Variants in ATF4 observed in about 807,000 individuals in gnomAD.
ATF4 encodes the protein cyclic AMP-dependent transcription factor ATF-4.
Under a neutral mutation model 21.0 loss-of-function variants are expected in ATF4, and 8 were observed. That is an observed-to-expected ratio of 0.38 (90% CI 0.22 to 0.69). The LOEUF (loss-of-function observed/expected upper bound fraction) is 0.69, where lower values mean the gene tolerates loss of function less well. Among genes scored for constraint, ATF4 ranks in the 30% least tolerant of loss-of-function variants. The pLI is 0.49. For synonymous variants in ATF4, 241 were observed against 166.4 expected, an observed-to-expected ratio of 1.45 and a Z score of -3.45; for missense variants, 549 against 425.9, an observed-to-expected ratio of 1.29 and a Z score of -2.54.
chr22:39,522,000 G>C lies in ATF4; in HGVS notation c.454G>C (p.Asp152His), dbSNP rs544103363. 2.5e-6 allele frequency: 4 copies of C among 1,613,404 alleles called. No individual in the cohort carries two copies. The South Asian group carries it at 3.3e-5, about 13-fold the overall frequency. ...GHLPESLTKP[D>H]QVAPFTFLQP... ...TCTCCCAGAAAGTTTAACAAAACCC[G>C]ACCAGGTTGCCCCCTTCACCTTCTT... Residue 152 changes from aspartate to histidine, a missense_variant, in exon 3 of 3, where the codon GAC becomes CAC. By Grantham distance (81) the Asp-to-His change is moderately conservative. Coordinates refer to ENST00000674920, the MANE Select transcript of ATF4 (RefSeq NM_182810.3).
In ATF4 at chr22:39,522,378, C is replaced by G; in HGVS notation, c.832C>G (p.Leu278Val). 1.2e-6 allele frequency: 2 copies of G among 1,612,676 alleles called. No individual in the cohort carries two copies. Among genetic ancestry groups the G allele is most frequent in the Non-Finnish European group, 8.5e-7 (1 of 1,179,348 alleles). Residue 278 changes from leucine (L) to valine (V), a missense_variant, in exon 3 of 3, where the codon CTG (leucine) becomes GTG (valine). Physicochemically the swap from Leu to Val is conservative, Grantham distance 32. Transcript: ENST00000674920. ...MVAAKVKGEKLDKKLKKMEQN... is the reference protein window; with the variant it reads ...MVAAKVKGEKVDKKLKKMEQN... Reference sequence around the variant, plus strand: ...AGCAGCAAAAGTAAAGGGTGAGAAACTGGATAAGAAGCTGAAAAAAATGGA... The same window carrying G: ...AGCAGCAAAAGTAAAGGGTGAGAAAGTGGATAAGAAGCTGAAAAAAATGGA...
intron 1 of ATF4, 42 bp from the exon 2 acceptor site, chr22:39,521,312 C>G: frequency 1.4e-6 from 1 of 717,838 alleles, no homozygotes; most frequent in Non-Finnish European, 2.3e-6. Flanking sequence ...ATTCTCAGAA[C>G]AGCTAACCTC....
Position 39,522,437 on chromosome 22 carries a change from G to C in ATF4, c.891G>C (p.Gln297His), listed in dbSNP as rs752840127. Residue 297 changes from glutamine (Q) to histidine (H), a missense_variant, in exon 3 of 3, where the codon CAG (glutamine) becomes CAC (histidine). Coordinates refer to ENST00000674920, the MANE Select transcript of ATF4 (RefSeq NM_182810.3). Reference protein sequence around the residue: ...QNKTAATRYRQKKRAEQEALT... With the variant: ...QNKTAATRYRHKKRAEQEALT... ...AGACAGCAGCCACTAGGTACCGCCA[G>C]AAGAAGAGGGCGGAGCAGGAGGCTC... is the stretch of plus-strand genomic sequence containing the variant. The C allele has an allele frequency of 1.9e-6, 3 of 1,613,784 alleles. No individual in the cohort carries two copies. Among genetic ancestry groups the C allele is most frequent in the Non-Finnish European group, 2.5e-6 (3 of 1,179,766 alleles).
rs745712018 is a variant in ATF4, at chr22:39,522,571, G to A, written c.1025G>A (p.Arg342His). 40 of 1,553,064 alleles carry A rather than the reference G, an allele frequency of 2.6e-5. No homozygotes were observed. The highest frequency in any genetic ancestry group is 3.3e-5 in the Non-Finnish European group (38 of 1,154,382). The change falls in exon 3 of 3, where the codon CGC becomes CAC. Residue 342 changes from arginine (R) to histidine (H), a missense_variant. By Grantham distance (29) the Arg-to-His change is conservative. Coordinates refer to ENST00000674920, the MANE Select transcript of ATF4 (RefSeq NM_182810.3). ...QYLKDLIEEVRKARGKKRVP is the reference protein window; with the variant it reads ...QYLKDLIEEVHKARGKKRVP ...CTGAAAGATTTGATAGAAGAGGTCCGCAAGGCAAGGGGGAAGAAAAGGGTC... is the reference window on the plus strand; with the variant it reads ...CTGAAAGATTTGATAGAAGAGGTCCACAAGGCAAGGGGGAAGAAAAGGGTC...
rs373242816 is a variant in ATF4 at position 39,522,518 on chromosome 22, G to A, written c.972G>A (p.Ala324=). The part of the protein sequence containing the change: ...EKKNEALKER[A]DSLAKEIQYL... ...AGAACGAGGCTCTAAAAGAGAGGGCGGATTCCCTGGCCAAGGAGATCCAGT... is the reference window on the plus strand; with the variant it reads ...AGAACGAGGCTCTAAAAGAGAGGGCAGATTCCCTGGCCAAGGAGATCCAGT... Residue 324 remains alanine, a synonymous_variant, in exon 3 of 3, where the codon GCG becomes GCA. Coordinates refer to ENST00000674920, the MANE Select transcript of ATF4 (RefSeq NM_182810.3). 9.9e-6 allele frequency: 16 copies of A among 1,608,706 alleles called. No individual in the cohort carries two copies. Among genetic ancestry groups the A allele is most frequent in the Non-Finnish European group, 1.3e-5 (15 of 1,177,684 alleles).
At position 39,522,028 on chromosome 22, in the gene ATF4, A is replaced by C. The variant is rs552162021; in HGVS notation, c.482A>C (p.Gln161Pro). Residue 161 changes from glutamine (Q) to proline (P), a missense_variant, in exon 3 of 3, where the codon CAA (glutamine) becomes CCA (proline). Physicochemically the swap from Gln to Pro is moderately conservative, Grantham distance 76 (BLOSUM62 -1). Transcript: ENST00000674920. ...PDQVAPFTFL[Q>P]PLPLSPGVLS... ...CAGGTTGCCCCCTTCACCTTCTTAC[A>C]ACCTCTTCCCCTTTCCCCAGGGGTC... The C allele has an allele frequency of 1.2e-6, 2 of 1,613,562 alleles. No individual in the cohort carries two copies. The highest frequency in any genetic ancestry group is 1.3e-5 in the African/African-American group (1 of 74,928).
Position 39,521,799 on chromosome 22 carries a change from A to G in ATF4, c.253A>G (p.Met85Val), listed in dbSNP as rs775860856. 5.0e-6 allele frequency: 8 copies of G among 1,613,986 alleles called. No individual in the cohort carries two copies. The South Asian group carries it at 7.7e-5, about 16-fold the overall frequency. ...GGATGCCTTCTCCGGGACAGATTGG[A>G]TGTTGGAGAAAATGGATTTGAAGGA... ...KEDAFSGTDW[M>V]LEKMDLKEFD... Residue 85 changes from methionine to valine, a missense_variant, in exon 3 of 3, where the codon ATG becomes GTG. Coordinates refer to ENST00000674920, the MANE Select transcript of ATF4 (RefSeq NM_182810.3).
At position 39,521,743 on chromosome 22, in the gene ATF4, A is replaced by C. The variant is rs771259116; in HGVS notation, c.227-30A>C. On this transcript the variant is annotated intron_variant, in intron 2 of 2. Transcript: ENST00000674920. ...GGCCTCCTACCTTTGTATCTGACTCACTTGGCCCCATCACTCAAATGTTTT... is the reference window on the plus strand; with the variant it reads ...GGCCTCCTACCTTTGTATCTGACTCCCTTGGCCCCATCACTCAAATGTTTT... The C allele has an allele frequency of 3.1e-6, 5 of 1,611,994 alleles. No individual in the cohort carries two copies. The South Asian group carries it at 3.3e-5, about 11-fold the overall frequency.
rs146354334 is a variant in ATF4 at position 39,521,449 on chromosome 22, A to G, written c.4A>G (p.Thr2Ala). The G allele has an allele frequency of 6.4e-5, 99 of 1,539,632 alleles. No individual in the cohort carries two copies. The highest frequency in any genetic ancestry group is 8.6e-5 in the Non-Finnish European group (98 of 1,142,784). M[T>A]EMSFLSSEVL... The stretch of plus-strand genomic sequence containing the variant: ...GATTCCAGCAAAGCACCGCAACATG[A>G]CCGAAATGAGCTTCCTGAGCAGCGA... Residue 2 changes from threonine (T) to alanine (A), a missense_variant, in exon 2 of 3, where the codon ACC becomes GCC. Transcript: ENST00000674920.
chr22:39,521,536 C>G lies in ATF4; in HGVS notation c.91C>G (p.Leu31Val). Residue 31 changes from leucine to valine, a missense_variant, in exon 2 of 3, where the codon CTA becomes GTA. Physicochemically the swap from Leu to Val is conservative, Grantham distance 32. Transcript: ENST00000674920. ...DQSGLGAEES[L>V]GLLDDYLEVA... ...GTCGGGTTTGGGGGCTGAAGAAAGC[C>G]TAGGTCTCTTAGATGATTACCTGGA... The G allele has an allele frequency of 1.2e-6, 2 of 1,612,402 alleles. No individual in the cohort carries two copies. The highest frequency in any genetic ancestry group is 1.7e-6 in the Non-Finnish European group (2 of 1,179,684).
rs568793240 is a variant in ATF4, at chr22:39,522,353, A to G, written c.807A>G (p.Val269=). 61 of 1,613,010 alleles carry G rather than the reference A, an allele frequency of 3.8e-5. 1 individual carries two copies. The East Asian group carries it at 1.3e-3, about 34-fold the overall frequency. ...ACGATCCTCCTGGAGAGAAGATGGT[A>G]GCAGCAAAAGTAAAGGGTGAGAAAC... ...KPYDPPGEKM[V]AAKVKGEKLD... The change falls in exon 3 of 3, where the codon GTA becomes GTG. Residue 269 remains valine (V), a synonymous_variant. Coordinates refer to ENST00000674920, the MANE Select transcript of ATF4 (RefSeq NM_182810.3).
Position 39,522,330 on chromosome 22 carries a change from G to A in ATF4, c.784G>A (p.Asp262Asn), listed in dbSNP as rs746575830. The A allele has an allele frequency of 5.0e-6, 8 of 1,612,684 alleles. No homozygotes were observed. Among genetic ancestry groups the A allele is most frequent in the Non-Finnish European group, 6.8e-6 (8 of 1,179,432 alleles). The change falls in exon 3 of 3, where the codon GAT (aspartate) becomes AAT (asparagine). Residue 262 changes from aspartate to asparagine, a missense_variant. By Grantham distance (23) the Asp-to-Asn change is conservative. Transcript: ENST00000674920. ...TGGGTCTGCCCGTCCCAAACCTTAC[G>A]ATCCTCCTGGAGAGAAGATGGTAGC... is the stretch of plus-strand genomic sequence containing the variant. Reference protein sequence around the residue: ...LCGSARPKPYDPPGEKMVAAK... With the variant: ...LCGSARPKPYNPPGEKMVAAK...
intron 2 of ATF4, 39 bp from the exon 3 acceptor site, chr22:39,521,734 A>G: frequency 1.2e-6 from 2 of 1,610,508 alleles, no homozygotes; most frequent in Non-Finnish European, 1.7e-6. Context: ...CTACCTTTGT[A>G]TCTGACTCAC....
rs777156994 is a variant in ATF4 at position 39,521,879 on chromosome 22, CCTT to C, written c.336_338del (p.Leu113del). On this transcript the variant is annotated inframe_deletion, in exon 3 of 3. Coordinates refer to ENST00000674920, the MANE Select transcript of ATF4 (RefSeq NM_182810.3). The stretch of plus-strand genomic sequence containing the variant: ...ATGACCTGGAAACCATGCCAGATGA[CCTT>C]CTGACCACGTTGGATGACACTTGTG... The C allele has an allele frequency of 4.0e-5, 65 of 1,614,042 alleles. No individual in the cohort carries two copies. The highest frequency in any genetic ancestry group is 1.6e-4 in the Middle Eastern group (1 of 6,082).
rs1322182268 is a variant in ATF4, at chr22:39,521,378, C to G, written c.-68C>G. 5 of 1,339,492 alleles carry G rather than the reference C, an allele frequency of 3.7e-6. No individual in the cohort carries two copies. Among genetic ancestry groups the G allele is most frequent in the Non-Finnish European group, 5.1e-6 (5 of 974,948 alleles). 83.0% of individuals were successfully genotyped at this position (1,339,492 alleles called of 1,614,324 possible). On this transcript the variant is annotated 5_prime_UTR_variant, in exon 2 of 3. Transcript: ENST00000674920. ...GGCTTCTCACGGCATTCAGCAGCAG[C>G]GTTGCTGTAACCGACAAAGACACCT...
chr22:39,522,130 C>G lies in ATF4; in HGVS notation c.584C>G (p.Pro195Arg). 1.2e-6 allele frequency: 2 copies of G among 1,613,820 alleles called. No individual in the cohort carries two copies. Among genetic ancestry groups the G allele is most frequent in the Non-Finnish European group, 1.7e-6 (2 of 1,179,816 alleles). Residue 195 changes from proline (P) to arginine (R), a missense_variant, in exon 3 of 3, where the codon CCA becomes CGA. Coordinates refer to ENST00000674920, the MANE Select transcript of ATF4 (RefSeq NM_182810.3). ...GATATCACTGAAGGAGATAGGAAGCCAGACTACACTGCTTACGTTGCCATG... is the reference window on the plus strand; with the variant it reads ...GATATCACTGAAGGAGATAGGAAGCGAGACTACACTGCTTACGTTGCCATG... ...EVDITEGDRKPDYTAYVAMIP... is the reference protein window; with the variant it reads ...EVDITEGDRKRDYTAYVAMIP...
Position 39,521,655 on chromosome 22 carries a change from C to T in ATF4, c.210C>T (p.Pro70=). ...EWLAVDGLVS[P]SNNSKEDAFS... ...TGGCTGTGGATGGGTTGGTCAGTCC[C>T]TCCAACAACAGCAAGGGTGAGTGGG... The change falls in exon 2 of 3, where the codon CCC becomes CCT. Residue 70 remains proline, a synonymous_variant. Coordinates refer to ENST00000674920, the MANE Select transcript of ATF4 (RefSeq NM_182810.3). The T allele has an allele frequency of 1.2e-6, 2 of 1,613,898 alleles. No homozygotes were observed. The highest frequency in any genetic ancestry group is 1.7e-6 in the Non-Finnish European group (2 of 1,179,864).
In ATF4 at chr22:39,521,648, T is replaced by G; in HGVS notation, c.203T>G (p.Val68Gly). ...GAATGGCTGGCTGTGGATGGGTTGG[T>G]CAGTCCCTCCAACAACAGCAAGGGT... is the stretch of plus-strand genomic sequence containing the variant. ...SSEWLAVDGL[V>G]SPSNNSKEDA... Residue 68 changes from valine (V) to glycine (G), a missense_variant, in exon 2 of 3, where the codon GTC (valine) becomes GGC (glycine). Val to Gly is a moderately radical substitution (Grantham distance 109). Coordinates refer to ENST00000674920, the MANE Select transcript of ATF4 (RefSeq NM_182810.3). 1.9e-6 allele frequency: 3 copies of G among 1,614,016 alleles called. No individual in the cohort carries two copies. The highest frequency in any genetic ancestry group is 2.5e-6 in the Non-Finnish European group (3 of 1,179,932).
chr22:39,521,289 G>A, intron 1 of ATF4, 65 bp from the exon 2 acceptor site: 4 of 614,154 alleles, frequency 6.5e-6, no homozygotes, highest in East Asian at 2.9e-5. Flanking sequence ...CGCCTCATAA[G>A]TGGAAGGATG....
Sources: allele counts gnomAD v4.1 joint callset, GRCh38; gene constraint gnomAD v4.1.1; transcripts MANE v1.5; gene names NCBI Gene and HGNC (gene_info 2026-07-23, HGNC 2026-07-21).